The following PDE6C variants were observed in gnomAD, a reference collection of about 807,000 sequenced individuals.
PDE6C encodes cone cGMP-specific 3',5'-cyclic phosphodiesterase subunit alpha'.
PDE6C carries 75 observed loss-of-function variants against 113.1 expected under a neutral mutation model. The observed-to-expected ratio is 0.66, with a 90% CI of 0.55 to 0.80. The LOEUF is 0.80. Among genes scored for constraint, PDE6C ranks in the 30% least tolerant of loss-of-function variants. The probability of loss-of-function intolerance (pLI) is 0.00; values close to 1 mark genes in which losing one functional copy is unlikely to be tolerated. For missense variants in PDE6C, 912 were observed against 1,038.6 expected, an observed-to-expected ratio of 0.88 and a Z score of 1.67; for synonymous variants, 375 against 363.7, an observed-to-expected ratio of 1.03 and a Z score of -0.35.
rs548343177 is a variant in PDE6C at position 93,639,561 on chromosome 10, C to A, written c.1483-509C>A. 6.6e-5 allele frequency among the ~76,000 whole-genome samples: 10 copies of A among 152,310 alleles called. No homozygotes were observed. In the South Asian group the frequency reaches 2.1e-3, roughly 32 times the overall value. The stretch of plus-strand genomic sequence containing the variant: ...TCCTGAGCACCTTCATGGGACAGGA[C>A]CTGCAGATTTGGGATATGGCAGCAA... On this transcript the variant is annotated intron_variant, in intron 11 of 21. Transcript: ENST00000371447.
chr10:93,618,880 C>T (rs7919662), intron 1 of PDE6C, among the ~76,000 whole-genome samples: 4,232 of 152,248 alleles, frequency 0.028, 214 homozygotes, highest in African/African-American at 0.097. Flanking sequence ...TTTTTTTCTA[C>T]GGGAAACCAG....
chr10:93,640,216 G>A lies in PDE6C; in HGVS notation c.1629G>A (p.Glu543=). The change falls in exon 12 of 22, where the codon GAG becomes GAA. Residue 543 remains glutamate (E), a splice_region_variant and synonymous_variant. Coordinates refer to ENST00000371447, the MANE Select transcript of PDE6C (RefSeq NM_006204.4). ...NVVEKFKVPV[E]VLTRWMYTVR... is the part of the protein sequence containing the mutation. ...TGGAGAAATTCAAAGTACCTGTAGAGGTCAGAGGGTATTTAATTTAAAATA... is the reference window on the plus strand; with the variant it reads ...TGGAGAAATTCAAAGTACCTGTAGAAGTCAGAGGGTATTTAATTTAAAATA... 3 of 1,611,582 alleles carry A rather than the reference G, an allele frequency of 1.9e-6. No individual in the cohort carries two copies. Among genetic ancestry groups the A allele is most frequent in the Non-Finnish European group, 2.5e-6 (3 of 1,177,680 alleles).
chr10:93,664,269 C>T (rs1384431658), intron 21 of PDE6C, among the ~76,000 whole-genome samples: 2 of 152,196 alleles, frequency 1.3e-5, no homozygotes, highest in African/African-American at 2.4e-5. Flanking sequence ...ATGGAGAAGG[C>T]TTTCCTGAAG....
At chr10:93,663,445 T>C (rs1215282876) in intron 21 of PDE6C, among the ~76,000 whole-genome samples, 2 of 152,292 alleles carry the variant, frequency 1.3e-5, no homozygotes, top group African/African-American at 4.8e-5. Context: ...AGAAGGTGGC[T>C]CCTCTGCAGA....
rs926947880 is a variant in PDE6C at position 93,665,938 on chromosome 10, C to A, written c.*520C>A. On this transcript the variant is annotated 3_prime_UTR_variant, in exon 22 of 22. Transcript: ENST00000371447. ...CTAATCTCCTTTTCTTATAAGGACT[C>A]CAGTAGGACTGGATTAGGGCCTACC... 3.7e-4 allele frequency: 68 copies of A among 183,914 alleles called. No homozygotes were observed. The highest frequency in any genetic ancestry group is 6.6e-4 in the Non-Finnish European group (59 of 88,722). 11.4% of individuals were successfully genotyped at this position (183,914 alleles called of 1,614,324 possible).
At chr10:93,641,886 T>C (rs1332318718) in intron 14 of PDE6C, among the ~76,000 whole-genome samples, 2 of 152,208 alleles carry the variant, frequency 1.3e-5, no homozygotes, top group Non-Finnish European at 2.9e-5. Context: ...GGGTGCAAGC[T>C]CTGGGCTCAG....
chr10:93,656,219 G>A (rs1370788843), intron 16 of PDE6C, among the ~76,000 whole-genome samples: 2 of 152,220 alleles, frequency 1.3e-5, no homozygotes, highest in African/African-American at 2.4e-5. Context: ...TTTTGTCCAG[G>A]TGAATTCTCT....
chr10:93,619,489 C>G (rs892479942), intron 1 of PDE6C, among the ~76,000 whole-genome samples: 1 of 152,182 alleles, frequency 6.6e-6, no homozygotes, highest in East Asian at 1.9e-4. Context: ...TACAATGGCG[C>G]GATCTTGGCT....
rs748592523 is a variant in PDE6C, at chr10:93,655,861, G to A, written c.2036+1G>A. ...CAACTGACCTGGCTTTATATTTCAA[G>A]TAAGTACATAACTCTGCACAGTGGA... On this transcript the variant is annotated splice_donor_variant, in intron 16 of 21. Transcript: ENST00000371447. LOFTEE classifies it high-confidence loss of function. 1 of 1,442,642 alleles carries A rather than the reference G, an allele frequency of 6.9e-7. No individual in the cohort carries two copies. Among genetic ancestry groups the A allele is most frequent in the Non-Finnish European group, 9.8e-7 (1 of 1,023,608 alleles). 89.4% of individuals were successfully genotyped at this position (1,442,642 alleles called of 1,614,324 possible). A position where few individuals can be genotyped will look rare whatever the true frequency, so the allele number is the denominator to read the frequency against.
intron 1 of PDE6C, among the ~76,000 whole-genome samples, chr10:93,616,677 C>T (rs570120299): frequency 2.3e-4 from 25 of 107,622 alleles, no homozygotes; most frequent in East Asian, 2.7e-4. Flanking sequence ...TTTTTTGAGA[C>T]GGAGTCTCGC....
At chr10:93,651,984 CA>C (rs934468771) in intron 15 of PDE6C, among the ~76,000 whole-genome samples, 3 of 151,908 alleles carry the variant, frequency 2.0e-5, no homozygotes, top group African/African-American at 7.3e-5. Context: ...ACTAAACAAA[CA>C]AAAAACCCAA....
At chr10:93,635,315 A>G (rs557136131) in intron 9 of PDE6C, among the ~76,000 whole-genome samples, 182 bp from the exon 10 acceptor site, 1 of 152,296 alleles carries the variant, frequency 6.6e-6, no homozygotes, top group African/African-American at 2.4e-5. Context: ...CACTTTAAAA[A>G]GCAATAATTC....
chr10:93,641,099 G>T (rs1023530608), intron 14 of PDE6C, 70 bp downstream of exon 14: 4 of 927,114 alleles, frequency 4.3e-6, no homozygotes, highest in Non-Finnish European at 7.2e-6. Context: ...TGAGAAAAAC[G>T]CTTCTCCCTA....
intron 1 of PDE6C, among the ~76,000 whole-genome samples, chr10:93,615,316 C>G (rs2058415276): frequency 6.6e-6 from 1 of 152,182 alleles, no homozygotes; most frequent in South Asian, 2.1e-4. Context: ...TCCACAAAAC[C>G]ATATTGGTGG....
At chr10:93,650,701 C>T (rs1026566424) in intron 15 of PDE6C, among the ~76,000 whole-genome samples, 1 of 152,286 alleles carries the variant, frequency 6.6e-6, no homozygotes, top group South Asian at 2.1e-4. Context: ...GAAATGTTAG[C>T]TCTTAAAGAG....
intron 11 of PDE6C, among the ~76,000 whole-genome samples, chr10:93,638,302 A>G (rs1447996625): frequency 6.6e-6 from 1 of 152,076 alleles, no homozygotes; most frequent in Non-Finnish European, 1.5e-5. Context: ...CTCTGCTACC[A>G]TAAGACTGTT....
chr10:93,650,422 A>AT (rs1255950409), intron 15 of PDE6C, among the ~76,000 whole-genome samples: 1 of 152,008 alleles, frequency 6.6e-6, no homozygotes, highest in Non-Finnish European at 1.5e-5. Context: ...AATGTTTTGT[A>AT]TTTTTTGTAG....
chr10:93,662,835 G>A (rs898375684), intron 20 of PDE6C, among the ~76,000 whole-genome samples, 192 bp downstream of exon 20: 1 of 152,088 alleles, frequency 6.6e-6, no homozygotes, highest in South Asian at 2.1e-4. Context: ...AGATGTGAGC[G>A]AACTGAACAC....
At position 93,665,621 on chromosome 10, in the gene PDE6C, G is replaced by A. The variant is rs1406268295; in HGVS notation, c.*203G>A. ...AAAAGTGCAAAATATGACAAAAATA[G>A]GTACATTTTTGGTGCCAATTTATTT... On this transcript the variant is annotated 3_prime_UTR_variant, in exon 22 of 22. Transcript: ENST00000371447. The A allele has an allele frequency of 2.5e-5, 14 of 557,664 alleles. No homozygotes were observed. The highest frequency in any genetic ancestry group is 1.6e-4 in the South Asian group (7 of 44,942). The allele number at this position is 557,664 out of a possible 1,614,324, so 34.5% of individuals were successfully genotyped here.
Sources: gnomAD v4.1 joint callset for allele counts (sites outside exome capture counted in the v4.1 genomes callset) on GRCh38, gnomAD v4.1.1 for gene constraint, MANE v1.5 for transcripts, NCBI Gene and HGNC (gene_info 2026-07-23, HGNC 2026-07-21) for gene names.